SUGCT: variants seen among roughly 807,000 people sequenced by gnomAD.
SUGCT encodes succinyl-CoA:glutarate CoA-transferase.
A neutral mutation model predicts 55.0 loss-of-function variants in SUGCT; 41 were observed. That is an observed-to-expected ratio of 0.74 (90% CI 0.58 to 0.97). SUGCT has a LOEUF of 0.97. SUGCT is among the 50% of genes least tolerant of loss of function. SUGCT has a pLI of 0.00. For synonymous variants in SUGCT, 187 were observed against 200.4 expected, an observed-to-expected ratio of 0.93 and a Z score of 0.56; for missense variants, 568 against 547.8, an observed-to-expected ratio of 1.04 and a Z score of -0.37.
At chr7:40,945,511 A>G in the SUGCT span, among the ~76,000 whole-genome samples, 56 of 152,238 alleles carry the variant, frequency 3.7e-4, no homozygotes, top group African/African-American at 1.3e-3. Flanking sequence ...GAGAAGCCCC[A>G]CTATGTCTGC....
chr7:40,271,461 T>A (rs1420587755), intron 7 of SUGCT, among the ~76,000 whole-genome samples: 1 of 152,164 alleles, frequency 6.6e-6, no homozygotes, highest in African/African-American at 2.4e-5. Context: ...GGGAAAACAT[T>A]CAGTTCTTTA....
At chr7:40,492,879 A>T (rs551548750) in intron 11 of SUGCT, among the ~76,000 whole-genome samples, 2 of 152,074 alleles carry the variant, frequency 1.3e-5, no homozygotes, top group Admixed American at 6.6e-5. Context: ...GACTATATGA[A>T]CTCTTAACAC....
the SUGCT span, among the ~76,000 whole-genome samples, chr7:40,938,338 A>T: frequency 2.7e-5 from 4 of 149,552 alleles, no homozygotes; most frequent in African/African-American, 9.9e-5. Flanking sequence ...CTTTTGTGTT[A>T]AATATTTTCT....
At chr7:40,925,528 G>A in the SUGCT span, among the ~76,000 whole-genome samples, 41,032 of 151,984 alleles carry the variant, frequency 0.27, 7,096 homozygotes, top group African/African-American at 0.49. Context: ...ATTTTAAGTG[G>A]TATTATTCCC....
At chr7:40,263,375 G>A (rs1464391760) in intron 7 of SUGCT, among the ~76,000 whole-genome samples, 2 of 152,324 alleles carry the variant, frequency 1.3e-5, no homozygotes, top group South Asian at 4.1e-4. Flanking sequence ...TCTGAATACA[G>A]CTTATTAGTT....
chr7:40,218,746 C>T (rs1029758179), intron 6 of SUGCT, among the ~76,000 whole-genome samples: 5 of 152,072 alleles, frequency 3.3e-5, no homozygotes, highest in South Asian at 2.1e-4. Flanking sequence ...TCTGTAAAAA[C>T]GCACCAATCA....
the SUGCT span, among the ~76,000 whole-genome samples, chr7:40,975,158 T>G: frequency 6.6e-6 from 1 of 152,166 alleles, no homozygotes; most frequent in Non-Finnish European, 1.5e-5. Flanking sequence ...TCCAAAAACC[T>G]TCATTACCCA....
chr7:40,899,057 C>T, the SUGCT span, among the ~76,000 whole-genome samples: 1 of 150,160 alleles, frequency 6.7e-6, no homozygotes, highest in African/African-American at 2.4e-5. Flanking sequence ...GCCTCCAAGC[C>T]ACTCTTGTAG....
chr7:40,620,286 A>T (rs1015953744), intron 12 of SUGCT, among the ~76,000 whole-genome samples: 7 of 152,238 alleles, frequency 4.6e-5, no homozygotes, highest in African/African-American at 1.7e-4. Flanking sequence ...TTGTTCAAGC[A>T]CATTGAATTT....
chr7:40,280,467 A>C (rs1792879195), intron 8 of SUGCT, among the ~76,000 whole-genome samples: 1 of 152,192 alleles, frequency 6.6e-6, no homozygotes, highest in Non-Finnish European at 1.5e-5. Flanking sequence ...TACTGTACTT[A>C]ATTGCAACCA....
chr7:40,445,988 A>C (rs1210613509), intron 9 of SUGCT, among the ~76,000 whole-genome samples: 1 of 152,028 alleles, frequency 6.6e-6, no homozygotes, highest in Non-Finnish European at 1.5e-5. Flanking sequence ...GGTTTGTTTT[A>C]AAGGATATTA....
rs190478295 is a variant in SUGCT at position 40,327,054 on chromosome 7, G to T, written c.816+10199G>T. Among the ~76,000 whole-genome samples, 1,226 of 152,286 alleles carry T rather than the reference G, an allele frequency of 8.1e-3. 12 individuals carry two copies. Among genetic ancestry groups the T allele is most frequent in the Non-Finnish European group, 9.2e-3 (627 of 68,024 alleles). On this transcript the variant is annotated intron_variant, in intron 9 of 13. Transcript: ENST00000335693. ...CAAAGACATTAGATTACATTTCAGA[G>T]GCTTCTACAAACTTTTGATTAATTA...
chr7:40,504,637 T>C (rs1792486945), intron 12 of SUGCT, among the ~76,000 whole-genome samples: 1 of 152,150 alleles, frequency 6.6e-6, no homozygotes, highest in African/African-American at 2.4e-5. Context: ...TTTCACCATG[T>C]TGGCCAGGCT....
chr7:40,499,492 T>G, intron 12 of SUGCT: 1 of 190,926 alleles, frequency 5.2e-6, no homozygotes, highest in Non-Finnish European at 1.1e-5. Flanking sequence ...CATGGATAAA[T>G]GAGAGATTGT....
chr7:40,155,654 G>A (rs138826711), intron 1 of SUGCT, among the ~76,000 whole-genome samples: 43 of 152,246 alleles, frequency 2.8e-4, no homozygotes, highest in African/African-American at 1.0e-3. Flanking sequence ...AGGAACATTT[G>A]AGCACCCAAG....
intron 12 of SUGCT, among the ~76,000 whole-genome samples, chr7:40,507,688 G>A (rs1792685621): frequency 6.6e-6 from 1 of 152,158 alleles, no homozygotes. Context: ...TTCACTCAGT[G>A]TTTGGTTAGA....
At chr7:40,250,828 C>CTTTTT (rs67372014) in intron 7 of SUGCT, among the ~76,000 whole-genome samples, 2 of 121,266 alleles carry the variant, frequency 1.6e-5, no homozygotes, top group African/African-American at 3.7e-5. Flanking sequence ...TTTCACGCTT[C>CTTTTT]TTTTTTTTTT....
intron 13 of SUGCT, among the ~76,000 whole-genome samples, chr7:40,806,676 T>A (rs2128753775): frequency 6.6e-6 from 1 of 152,310 alleles, no homozygotes; most frequent in African/African-American, 2.4e-5. Flanking sequence ...AGAGTGACTC[T>A]ACCATTCAAC....
At position 40,157,891 on chromosome 7, in the gene SUGCT, C is replaced by T. The variant is rs145496292; in HGVS notation, c.100+22771C>T. Among the ~76,000 whole-genome samples the T allele has an allele frequency of 2.8e-3, 421 of 152,242 alleles. 1 individual carries two copies. The highest frequency in any genetic ancestry group is 9.5e-3 in the African/African-American group (394 of 41,548). On this transcript the variant is annotated intron_variant, in intron 1 of 13. Coordinates refer to ENST00000335693, the MANE Select transcript of SUGCT (RefSeq NM_001193313.2). Reference sequence around the variant, plus strand: ...CTTGTTTTAAAGGGTTTCCGAGAGTCAAATTCTACTGCTTCATTAAAATGT... The same window carrying T: ...CTTGTTTTAAAGGGTTTCCGAGAGTTAAATTCTACTGCTTCATTAAAATGT...
Sources: allele counts gnomAD v4.1 joint callset (sites outside exome capture counted in the v4.1 genomes callset), GRCh38; gene constraint gnomAD v4.1.1; transcripts MANE v1.5; gene names NCBI Gene and HGNC (gene_info 2026-07-23, HGNC 2026-07-21).